Variants in FCRL3 observed in about 807,000 individuals in gnomAD.
FCRL3 encodes the protein Fc receptor-like protein 3.
FCRL3 carries 89 observed loss-of-function variants against 75.0 expected under a neutral mutation model. The observed-to-expected ratio is 1.19, with a 90% CI of 1.00 to 1.42. The LOEUF (loss-of-function observed/expected upper bound fraction) is 1.42. Among genes scored for constraint, FCRL3 ranks in the 40% most tolerant of loss-of-function variants. The probability of loss-of-function intolerance (pLI) is 0.00; values close to 1 mark genes in which losing one functional copy is unlikely to be tolerated. For missense variants in FCRL3, 946 were observed against 880.0 expected, an observed-to-expected ratio of 1.07 and a Z score of -0.95; for synonymous variants, 376 against 348.5, an observed-to-expected ratio of 1.08 and a Z score of -0.88.
intron 10 of FCRL3, among the ~76,000 whole-genome samples, chr1:157,688,422 C>T (rs1203401371): frequency 6.6e-6 from 1 of 151,954 alleles, no homozygotes; most frequent in Non-Finnish European, 1.5e-5. Context: ...ATGAGCAATT[C>T]CAAATTCTGG....
chr1:157,683,627 C>T (rs1654987180), intron 10 of FCRL3, among the ~76,000 whole-genome samples: 1 of 152,186 alleles, frequency 6.6e-6, no homozygotes, highest in South Asian at 2.1e-4. Flanking sequence ...CCAAGGGATG[C>T]TCAAAATGGA....
chr1:157,700,438 C>T, intron 2 of FCRL3, 21 bp downstream of exon 2: 1 of 1,613,848 alleles, frequency 6.2e-7, no homozygotes, highest in Non-Finnish European at 8.5e-7. Flanking sequence ...GCCGTGGCCC[C>T]ATTATAGCCC....
chr1:157,683,141 A>T (rs966354339), intron 11 of FCRL3, 76 bp downstream of exon 11: 11 of 1,452,034 alleles, frequency 7.6e-6, no homozygotes, highest in South Asian at 2.5e-5. Flanking sequence ...TTGAAATTTA[A>T]AAAAAAACAT....
At chr1:157,700,799 G>T, upstream of FCRL3, 1 of 1,084,150 alleles carries the variant, frequency 9.2e-7, no homozygotes, top group Non-Finnish European at 1.2e-6. Context: ...ATCAAGTTGT[G>T]TATTTGCTAG....
In FCRL3 at chr1:157,678,283, A is replaced by G. The variant is rs2101580330; in HGVS notation, c.*427T>C. ...CAGCATATACACCAAAACATCAGCA[A>G]TGCCACTACCAGCCACACAAAAAAG... is the stretch of plus-strand genomic sequence containing the variant. On this transcript the variant is annotated 3_prime_UTR_variant, in exon 15 of 15. Transcript: ENST00000368184. 9.9e-7 allele frequency: 1 copy of G among 1,009,202 alleles called. No individual in the cohort carries two copies. The highest frequency in any genetic ancestry group is 1.2e-6 in the Non-Finnish European group (1 of 844,046). 62.5% of individuals were successfully genotyped at this position (1,009,202 alleles called of 1,614,324 possible). A position where few individuals can be genotyped will look rare whatever the true frequency, so the allele number is the denominator to read the frequency against.
chr1:157,698,961 A>G (rs1306578421), intron 3 of FCRL3, among the ~76,000 whole-genome samples: 4 of 152,340 alleles, frequency 2.6e-5, no homozygotes, highest in South Asian at 4.1e-4. Flanking sequence ...CTTGTCCTAT[A>G]CATTTCTGTC....
chr1:157,689,801 G>C lies in FCRL3; in HGVS notation c.1807C>G (p.Pro603Ala). The C allele has an allele frequency of 6.2e-7, 1 of 1,614,104 alleles. No individual in the cohort carries two copies. Among genetic ancestry groups the C allele is most frequent in the Non-Finnish European group, 8.5e-7 (1 of 1,180,014 alleles). Residue 603 changes from proline to alanine, a missense_variant, in exon 10 of 15, where the codon CCA (proline) becomes GCA (alanine). Physicochemically the swap from Pro to Ala is conservative, Grantham distance 27. Coordinates refer to ENST00000368184, the MANE Select transcript of FCRL3 (RefSeq NM_052939.4). ...AAGGTAGGACCTAGACACCCACCTG[G>C]TTTCCTTCGGGCCCTGGCGTAATGC... ...LLHYARARRKPGGLSATGTSS... is the reference protein window; with the variant it reads ...LLHYARARRKAGGLSATGTSS...
At chr1:157,683,406 T>G (rs537059644) in intron 10 of FCRL3, among the ~76,000 whole-genome samples, 162 bp from the exon 11 acceptor site, 2 of 152,156 alleles carry the variant, frequency 1.3e-5, no homozygotes, top group South Asian at 4.1e-4. Context: ...CTATGTTATG[T>G]TATAGGTCAG....
chr1:157,695,281 A>T (rs573406072), intron 8 of FCRL3, 48 bp downstream of exon 8: 1 of 1,561,234 alleles, frequency 6.4e-7, no homozygotes, highest in Admixed American at 1.8e-5. Context: ...CTGAGAAGAC[A>T]TGATCTGTTG....
intron 8 of FCRL3, among the ~76,000 whole-genome samples, chr1:157,691,098 C>T (rs1004690549): frequency 9.2e-5 from 14 of 151,914 alleles, no homozygotes; most frequent in Admixed American, 1.3e-4. Context: ...TCTGTTTGTT[C>T]GTTGCTGTAT....
chr1:157,683,211 C>T lies in FCRL3; in HGVS notation c.1838+6G>A. The T allele has an allele frequency of 6.2e-7, 1 of 1,612,574 alleles. No individual in the cohort carries two copies. The highest frequency in any genetic ancestry group is 8.5e-7 in the Non-Finnish European group (1 of 1,179,358). On this transcript the variant is annotated splice_donor_region_variant and intron_variant, in intron 11 of 14. Transcript: ENST00000368184. ...ATGTTGGCAGCACAAGAAGCAGAGA[C>T]CTCACCTAGATGTTCCAGTGGCAGA...
chr1:157,694,963 C>G (rs1388003640), intron 8 of FCRL3, among the ~76,000 whole-genome samples: 1 of 152,078 alleles, frequency 6.6e-6, no homozygotes, highest in Non-Finnish European at 1.5e-5. Flanking sequence ...AAGGGATGAT[C>G]CAGTCATTTT....
chr1:157,698,628 C>T lies in FCRL3; in HGVS notation c.54G>A (p.Gly18=), dbSNP rs776765784. Residue 18 remains glycine, a splice_region_variant and synonymous_variant, in exon 4 of 15, where the codon GGG becomes GGA. Transcript: ENST00000368184. ...LILTPGREQS[G]VAPKAVLLLN... is the part of the protein sequence containing the mutation. ...GGAGAAGTACAGCTTTTGGGGCCAC[C>T]CCTAAACAGGAAATAGAAAGATGAA... 3 of 1,613,884 alleles carry T rather than the reference C, an allele frequency of 1.9e-6. No individual in the cohort carries two copies. The highest frequency in any genetic ancestry group is 2.5e-6 in the Non-Finnish European group (3 of 1,179,828).
intron 10 of FCRL3, among the ~76,000 whole-genome samples, chr1:157,685,502 AC>A (rs1174505487): frequency 6.6e-6 from 1 of 152,184 alleles, no homozygotes; most frequent in Non-Finnish European, 1.5e-5. Flanking sequence ...TCAATATCCC[AC>A]TGACAGAGTT....
chr1:157,681,109 AG>A lies in FCRL3; in HGVS notation c.1839-11del, dbSNP rs1654811584. The A allele has an allele frequency of 4.0e-6, 6 of 1,514,848 alleles. No homozygotes were observed. In the South Asian group the frequency reaches 8.1e-5, roughly 20 times the overall value. 93.8% of individuals were successfully genotyped at this position (1,514,848 alleles called of 1,614,324 possible). A position where few individuals can be genotyped will look rare whatever the true frequency, so the allele number is the denominator to read the frequency against. ...CTCACTAGGACTGTGACTGTGACAG[AG>A]GGGGAGAGAATGGATTAAAAAGTAT... On this transcript the variant is annotated splice_polypyrimidine_tract_variant and intron_variant, in intron 11 of 14. Coordinates refer to ENST00000368184, the MANE Select transcript of FCRL3 (RefSeq NM_052939.4).
chr1:157,679,127 G>A, intron 13 of FCRL3, 154 bp from the exon 14 acceptor site: 1 of 802,680 alleles, frequency 1.2e-6, no homozygotes, highest in Non-Finnish European at 2.1e-6. Flanking sequence ...CATAGAAAAA[G>A]TACTCCAAGC....
In FCRL3 at chr1:157,690,441, C is replaced by A; in HGVS notation, c.1504G>T (p.Gly502Cys). Residue 502 changes from glycine to cysteine, a missense_variant, in exon 9 of 15, where the codon GGC becomes TGC. Gly to Cys is a radical substitution (Grantham distance 159). Transcript: ENST00000368184. ...AACCAGTACAGGATCGGGAAGGAGC[C>A]TCTCAGGGACTCACAGTGAAGCTCC... is the stretch of plus-strand genomic sequence containing the variant. ...LLELHCESLR[G>C]SFPILYWFYH... 6.2e-7 allele frequency: 1 copy of A among 1,614,232 alleles called. No homozygotes were observed. Among genetic ancestry groups the A allele is most frequent in the African/African-American group, 1.3e-5 (1 of 75,068 alleles).
chr1:157,699,846 AAAG>A, intron 2 of FCRL3, 134 bp from the exon 3 acceptor site: 1 of 927,862 alleles, frequency 1.1e-6, no homozygotes, highest in South Asian at 1.6e-5. Context: ...CCTAAACAAC[AAAG>A]AAAATGTCAT....
In FCRL3 at chr1:157,700,753, A is replaced by T; in HGVS notation, c.-188T>A. The stretch of plus-strand genomic sequence containing the variant: ...CCATCAGCTGCAGTCTCTCAGGAGT[A>T]ATGTCTCCAAGACTGTGCCTGGGTT... On this transcript the variant is annotated 5_prime_UTR_variant, in exon 1 of 15. Coordinates refer to ENST00000368184, the MANE Select transcript of FCRL3 (RefSeq NM_052939.4). 7.2e-7 allele frequency: 1 copy of T among 1,381,776 alleles called. No homozygotes were observed. Among genetic ancestry groups the T allele is most frequent in the Non-Finnish European group, 9.4e-7 (1 of 1,065,088 alleles). 85.6% of individuals were successfully genotyped at this position (1,381,776 alleles called of 1,614,324 possible).
Sources: allele counts gnomAD v4.1 joint callset (sites outside exome capture counted in the v4.1 genomes callset), GRCh38; gene constraint gnomAD v4.1.1; transcripts MANE v1.5; gene names NCBI Gene and HGNC (gene_info 2026-07-23, HGNC 2026-07-21).